UBXN2A: variants seen among roughly 807,000 people sequenced by gnomAD.
The protein encoded by UBXN2A is UBX domain-containing protein 2A.
In UBXN2A, 28 loss-of-function variants were observed where a neutral mutation model predicts 28.4. The observed-to-expected ratio is 0.99, with a 90% CI of 0.73 to 1.35. The LOEUF is 1.35. Among genes scored for constraint, UBXN2A ranks in the 40% most tolerant of loss-of-function variants. The pLI, the probability that UBXN2A is intolerant of heterozygous loss-of-function variation, is 0.00. For synonymous variants in UBXN2A, 97 were observed against 103.6 expected, an observed-to-expected ratio of 0.94 and a Z score of 0.39; for missense variants, 253 against 297.9, an observed-to-expected ratio of 0.85 and a Z score of 1.11.
chr2:23,939,872 G>A (rs1242905615), upstream of UBXN2A, among the ~76,000 whole-genome samples: 2 of 152,182 alleles, frequency 1.3e-5, no homozygotes, highest in East Asian at 1.9e-4. Flanking sequence ...CACATTGGGA[G>A]ACCAAGGCGG....
chr2:23,981,952 C>T (rs999567292), intron 4 of UBXN2A, among the ~76,000 whole-genome samples: 15 of 152,034 alleles, frequency 9.9e-5, no homozygotes, highest in African/African-American at 3.4e-4. Context: ...CCCTGGGCCA[C>T]ATTGGAAGAA....
chr2:23,962,776 T>C (rs1706990423), intron 2 of UBXN2A, among the ~76,000 whole-genome samples: 1 of 152,090 alleles, frequency 6.6e-6, no homozygotes. Flanking sequence ...TGGCTAGTTT[T>C]GTATTTTTTA....
intron 1 of UBXN2A, chr2:23,944,049 T>G (rs936357895): frequency 2.5e-5 from 15 of 588,584 alleles, no homozygotes; most frequent in African/African-American, 7.4e-5. Flanking sequence ...TATGTCGATG[T>G]CCATCTGCCA....
intron 1 of UBXN2A, among the ~76,000 whole-genome samples, chr2:23,954,931 CTTTTTTTTTT>C (rs35139100): frequency 5.8e-5 from 7 of 120,850 alleles, no homozygotes; most frequent in Non-Finnish European, 1.0e-4. Flanking sequence ...GCTTGCCTAC[CTTTTTTTTTT>C]TTTTTTTTTT....
At chr2:23,948,996 A>G (rs896140638) in intron 1 of UBXN2A, among the ~76,000 whole-genome samples, 3 of 146,794 alleles carry the variant, frequency 2.0e-5, no homozygotes, top group Non-Finnish European at 3.0e-5. Flanking sequence ...ACTAGAGCAC[A>G]TTGGCGTGAT....
intron 6 of UBXN2A, among the ~76,000 whole-genome samples, chr2:23,991,226 TTTATATATTTTAAAG>T (rs887095011): frequency 1.3e-5 from 2 of 152,194 alleles, no homozygotes; most frequent in African/African-American, 4.8e-5. Context: ...CAATGTTTGC[TTTATATATTTTAAAG>T]TTATATAATT....
At chr2:23,972,169 TG>T (rs762382474) in intron 3 of UBXN2A, among the ~76,000 whole-genome samples, 2 of 152,068 alleles carry the variant, frequency 1.3e-5, no homozygotes, top group South Asian at 4.1e-4. Context: ...AAAGTAGTGG[TG>T]GGTAAAACTG....
At chr2:23,938,236 C>T (rs1416848293), upstream of UBXN2A, among the ~76,000 whole-genome samples, 9 of 152,044 alleles carry the variant, frequency 5.9e-5, no homozygotes, top group South Asian at 2.1e-4. Flanking sequence ...GAGGCCGAGG[C>T]GGGTGGATCA....
chr2:23,979,464 T>C (rs1033841290), intron 4 of UBXN2A, among the ~76,000 whole-genome samples: 2 of 152,272 alleles, frequency 1.3e-5, no homozygotes, highest in African/African-American at 4.8e-5. Flanking sequence ...ATACTATGTG[T>C]ACATTTATTT....
rs150907581 is a variant in UBXN2A at position 23,965,984 on chromosome 2, A to G, written c.42-5292A>G. Among the ~76,000 whole-genome samples, 42 of 152,130 alleles carry G rather than the reference A, an allele frequency of 2.8e-4. No individual in the cohort carries two copies. In the East Asian group the frequency reaches 7.5e-3, roughly 27 times the overall value. On this transcript the variant is annotated intron_variant, in intron 2 of 6. Coordinates refer to ENST00000309033, the MANE Select transcript of UBXN2A (RefSeq NM_181713.4). The stretch of plus-strand genomic sequence containing the variant: ...TTGGTTCATTTCATCTAAGTTATCA[A>G]TTTTAGGGGCATAAAGCAGTTCTTA...
intron 1 of UBXN2A, among the ~76,000 whole-genome samples, chr2:23,933,799 A>C (rs530490871): frequency 6.6e-6 from 1 of 152,332 alleles, no homozygotes; most frequent in Non-Finnish European, 1.5e-5. Context: ...CTGCAAGTCT[A>C]TAGGGAGGCC....
In UBXN2A at chr2:24,001,253, G is replaced by A. The variant is rs1482064993; in HGVS notation, c.*1386G>A. The A allele has an allele frequency of 3.9e-5, 6 of 152,228 alleles. No individual in the cohort carries two copies. The highest frequency in any genetic ancestry group is 1.4e-4 in the African/African-American group (6 of 41,464). 9.4% of individuals were successfully genotyped at this position (152,228 alleles called of 1,614,324 possible). On this transcript the variant is annotated 3_prime_UTR_variant, in exon 7 of 7. Transcript: ENST00000309033. ...GATCTGCCTGCCTAGGCCTCCTGAA[G>A]TGCTGGGATTACAAGTGTGAACCAC...
At chr2:23,982,490 G>T (rs1164873832) in intron 4 of UBXN2A, among the ~76,000 whole-genome samples, 1 of 151,698 alleles carries the variant, frequency 6.6e-6, no homozygotes, top group African/African-American at 2.4e-5. Context: ...TACTATTTTA[G>T]GTACTGCTAT....
chr2:23,974,814 C>G (rs550247733), intron 3 of UBXN2A, among the ~76,000 whole-genome samples: 1 of 151,994 alleles, frequency 6.6e-6, no homozygotes, highest in African/African-American at 2.4e-5. Flanking sequence ...TCTTTCTCTA[C>G]TAAAAAATAC....
At position 23,940,883 on chromosome 2, in the gene UBXN2A, TC is replaced by T. The variant is rs997662916; in HGVS notation, c.-15+236del. ...TGAGCGGCGACCCCGAGCCCCTGAC[TC>T]GCCTGCGGCTTGACTTGCGAGCTAG... On this transcript the variant is annotated intron_variant, in intron 1 of 6. Transcript: ENST00000309033. Among the ~76,000 whole-genome samples, 42 of 68,416 alleles carry T rather than the reference TC, an allele frequency of 6.1e-4. No homozygotes were observed. In the Middle Eastern group the frequency reaches 0.05, roughly 81 times the overall value. The allele number at this position is 68,416 out of a possible 152,430, so 44.9% of individuals were successfully genotyped here.
chr2:23,931,720 A>C (rs1488574553), intron 1 of UBXN2A, among the ~76,000 whole-genome samples: 2 of 152,150 alleles, frequency 1.3e-5, no homozygotes, highest in African/African-American at 4.8e-5. Context: ...TCTCTGCGTG[A>C]AGAAATGCAA....
rs1708683851 is a variant in UBXN2A, at chr2:24,000,052, A to G, written c.*185A>G. The G allele has an allele frequency of 3.5e-6, 2 of 572,782 alleles. No homozygotes were observed. Among genetic ancestry groups the G allele is most frequent in the Non-Finnish European group, 6.0e-6 (2 of 332,294 alleles). 35.5% of individuals were successfully genotyped at this position (572,782 alleles called of 1,614,324 possible). ...AGAAAGTAGCATATGACTGGAAACT[A>G]TATTCAGTGCACTTTCTCCAAAAGA... On this transcript the variant is annotated 3_prime_UTR_variant, in exon 7 of 7. Transcript: ENST00000309033.
chr2:23,935,605 T>C (rs1323789056), upstream of UBXN2A, among the ~76,000 whole-genome samples: 1 of 151,998 alleles, frequency 6.6e-6, no homozygotes, highest in East Asian at 1.9e-4. Context: ...ACAGAGAAAA[T>C]AACAAGTGTT....
chr2:23,954,825 A>G (rs896706030), intron 1 of UBXN2A, among the ~76,000 whole-genome samples: 5 of 146,998 alleles, frequency 3.4e-5, no homozygotes, highest in Non-Finnish European at 7.4e-5. Context: ...TGACATGATC[A>G]TGGCTCACTG....
Sources: gnomAD v4.1 joint callset for allele counts (sites outside exome capture counted in the v4.1 genomes callset) on GRCh38, gnomAD v4.1.1 for gene constraint, MANE v1.5 for transcripts, NCBI Gene and HGNC (gene_info 2026-07-23, HGNC 2026-07-21) for gene names.